The following PLA2G5 variants were observed in gnomAD, a reference collection of about 807,000 sequenced individuals.
PLA2G5 encodes phospholipase A2 group V.
Under a neutral mutation model 15.9 loss-of-function variants are expected in PLA2G5, and 12 were observed. The observed-to-expected ratio is 0.76, with a 90% CI of 0.48 to 1.23. The LOEUF (loss-of-function observed/expected upper bound fraction) is 1.23, where lower values mean the gene tolerates loss of function less well. Ranked by LOEUF, PLA2G5 falls within the 50% of genes most tolerant of loss-of-function variation. PLA2G5 has a pLI of 0.00. For synonymous variants in PLA2G5, 71 were observed against 71.4 expected (o/e 0.99, Z 0.03); for missense variants, 169 against 177.1 (o/e 0.95, Z 0.26).
upstream of PLA2G5, chr1:20,068,897 A>G (rs2015192376): frequency 1.6e-6 from 2 of 1,280,204 alleles, no homozygotes; most frequent in Non-Finnish European, 2.0e-6. Flanking sequence ...GCCTGAGGGA[A>G]CACACTCCCC....
upstream of PLA2G5, among the ~76,000 whole-genome samples, chr1:20,067,640 A>G (rs2015107422): frequency 6.6e-6 from 1 of 151,858 alleles, no homozygotes; most frequent in African/African-American, 2.4e-5. Context: ...GTGAGCTGAG[A>G]TTGCACTGCT....
intron 1 of PLA2G5, among the ~76,000 whole-genome samples, chr1:20,041,941 G>A (rs1486835033): frequency 6.6e-6 from 1 of 152,176 alleles, no homozygotes; most frequent in Non-Finnish European, 1.5e-5. Context: ...GATGGCCCTT[G>A]CAGTGAATGA....
intron 2 of PLA2G5, among the ~76,000 whole-genome samples, chr1:20,063,847 C>T (rs185240425): frequency 1.3e-4 from 20 of 152,274 alleles, no homozygotes; most frequent in East Asian, 3.9e-4. Context: ...TCAGGGAACA[C>T]GAAATCTGTC....
At position 20,053,425 on chromosome 1, in the gene PLA2G5, A is replaced by T. The variant is rs1241759074; in HGVS notation, n.277-6207A>T. On this transcript the variant is annotated intron_variant and non_coding_transcript_variant, in intron 1 of 6. Coordinates refer to the PLA2G5 transcript ENST00000460175. ...CATAAAAGTACTGTTTTCTGAAGTT[A>T]TTTAGGTCAGTCTTTTAGTTGTTTT... 3.3e-5 allele frequency among the ~76,000 whole-genome samples: 5 copies of T among 152,026 alleles called. No individual in the cohort carries two copies. In the East Asian group the frequency reaches 9.6e-4, roughly 29 times the overall value.
intron 1 of PLA2G5, chr1:20,076,808 G>A (rs1436016993): frequency 6.6e-6 from 1 of 152,248 alleles, no homozygotes; most frequent in African/African-American, 2.4e-5. Flanking sequence ...TAACATTCCA[G>A]AGACAGGTAA....
chr1:20,068,948 G>A (rs953054617), upstream of PLA2G5: 15 of 1,288,834 alleles, frequency 1.2e-5, no homozygotes, highest in African/African-American at 1.4e-4. Flanking sequence ...GGAAGGACCC[G>A]GATGGAAGTT....
At chr1:20,031,458 C>A (rs867004349) in intron 1 of PLA2G5, among the ~76,000 whole-genome samples, 2 of 152,114 alleles carry the variant, frequency 1.3e-5, no homozygotes, top group South Asian at 4.2e-4. Flanking sequence ...GCAGCCATAG[C>A]TCCTGGATTA....
chr1:20,044,293 C>T (rs572274572), intron 1 of PLA2G5, among the ~76,000 whole-genome samples: 1 of 152,194 alleles, frequency 6.6e-6, no homozygotes, highest in Admixed American at 6.5e-5. Context: ...AATTGTAACT[C>T]AGAAATGCAT....
chr1:20,073,495 G>A (rs540726375), intron 1 of PLA2G5, among the ~76,000 whole-genome samples: 122 of 152,296 alleles, frequency 8.0e-4, no homozygotes, highest in Non-Finnish European at 1.2e-3. Context: ...TTACAGCCTG[G>A]CTGAAACCCA....
chr1:20,045,558 G>C (rs955730849), intron 1 of PLA2G5, among the ~76,000 whole-genome samples: 3 of 152,154 alleles, frequency 2.0e-5, no homozygotes, highest in Admixed American at 6.6e-5. Context: ...GAGATTGAAG[G>C]GTGGCACCAA....
At chr1:20,051,463 G>C (rs1038449352) in intron 1 of PLA2G5, among the ~76,000 whole-genome samples, 2 of 152,134 alleles carry the variant, frequency 1.3e-5, no homozygotes, top group East Asian at 3.8e-4. Flanking sequence ...TGTTTTTTCA[G>C]AGTCAAGGAC....
At chr1:20,038,206 C>T (rs1482489029) in intron 1 of PLA2G5, among the ~76,000 whole-genome samples, 2 of 152,272 alleles carry the variant, frequency 1.3e-5, no homozygotes, top group Non-Finnish European at 1.5e-5. Context: ...GGCTTTTAGG[C>T]CCTGCCCTTC....
intron 1 of PLA2G5, among the ~76,000 whole-genome samples, chr1:20,034,747 A>C (rs2013155828): frequency 6.6e-6 from 1 of 152,186 alleles, no homozygotes; most frequent in Non-Finnish European, 1.5e-5. Context: ...TTCAGGATCA[A>C]CAGAAAGTAA....
At chr1:20,068,028 A>C (rs1465988431), upstream of PLA2G5, among the ~76,000 whole-genome samples, 1 of 152,224 alleles carries the variant, frequency 6.6e-6, no homozygotes, top group East Asian at 1.9e-4. Flanking sequence ...CTAAGGCAGC[A>C]GAATCGCTTG....
At chr1:20,036,521 T>C (rs2013257021) in intron 1 of PLA2G5, among the ~76,000 whole-genome samples, 1 of 152,068 alleles carries the variant, frequency 6.6e-6, no homozygotes, top group South Asian at 2.1e-4. Context: ...CTTCTATTGC[T>C]TTCTTCTATT....
intron 1 of PLA2G5, among the ~76,000 whole-genome samples, chr1:20,041,506 G>C (rs2013593736): frequency 6.6e-6 from 1 of 152,142 alleles, no homozygotes; most frequent in South Asian, 2.1e-4. Context: ...CCTGGGCAGG[G>C]GCAAATCTCT....
At chr1:20,070,544 T>A (rs748427019) in intron 1 of PLA2G5, 79 bp downstream of exon 1, 2 of 821,872 alleles carry the variant, frequency 2.4e-6, no homozygotes, top group Non-Finnish European at 2.9e-6. Flanking sequence ...GAGAAGGGGG[T>A]GTGTGGAGAG....
rs751091077 is a variant in PLA2G5, at chr1:20,090,626, C to T, written c.351C>T (p.Cys117=). ...LCACDRKLVY[C]LKRNLRSYNP... is the part of the protein sequence containing the mutation. ...CCTGTGACCGGAAGCTCGTCTACTGCCTCAAGAGAAACCTACGGAGCTACA... is the reference window on the plus strand; with the variant it reads ...CCTGTGACCGGAAGCTCGTCTACTGTCTCAAGAGAAACCTACGGAGCTACA... The change falls in exon 5 of 5, where the codon TGC becomes TGT. Residue 117 remains cysteine, a synonymous_variant. Transcript: ENST00000375108. 1 of 1,613,860 alleles carries T rather than the reference C, an allele frequency of 6.2e-7. No homozygotes were observed. The highest frequency in any genetic ancestry group is 1.1e-5 in the South Asian group (1 of 91,076).
rs1010657093 is a variant in PLA2G5, at chr1:20,055,937, G to A, written n.277-3695G>A. Among the ~76,000 whole-genome samples the A allele has an allele frequency of 5.3e-5, 8 of 152,282 alleles. No homozygotes were observed. The East Asian group carries it at 1.5e-3, about 29-fold the overall frequency. On this transcript the variant is annotated intron_variant and non_coding_transcript_variant, in intron 1 of 6. Transcript: ENST00000460175. ...ATCAGAGAAGGTTCTCTAGGAAGAT[G>A]ACATTTTATCTGAGGTCTGCAGGGA...
Sources: gnomAD v4.1 joint callset for allele counts (sites outside exome capture counted in the v4.1 genomes callset) on GRCh38, gnomAD v4.1.1 for gene constraint, MANE v1.5 for transcripts, NCBI Gene and HGNC (gene_info 2026-07-23, HGNC 2026-07-21) for gene names.